Variants in THSD7A observed in about 807,000 individuals in gnomAD.
THSD7A encodes the protein thrombospondin type 1 domain containing 7A.
In THSD7A, 96 loss-of-function variants were observed where a neutral mutation model predicts 231.3. The observed-to-expected ratio is 0.41, with a 90% CI of 0.35 to 0.49. The LOEUF is 0.49. Among genes scored for constraint, THSD7A ranks in the 20% least tolerant of loss-of-function variants. The pLI, the probability that THSD7A is intolerant of heterozygous loss-of-function variation, is 0.05. For synonymous variants in THSD7A, 940 were observed against 743.3 expected (o/e 1.26, Z -4.30); for missense variants, 2,290 against 2,070.2 (o/e 1.11, Z -2.06).
intron 1 of THSD7A, among the ~76,000 whole-genome samples, chr7:11,829,851 A>T (rs1785143617): frequency 6.6e-6 from 1 of 152,026 alleles, no homozygotes; most frequent in Non-Finnish European, 1.5e-5. Context: ...AATTGAATGA[A>T]CTATTTTTTT....
Position 11,375,776 on chromosome 7 carries a change from G to T in THSD7A, c.*18C>A, listed in dbSNP as rs769027371. The T allele has an allele frequency of 2.5e-6, 4 of 1,608,528 alleles. No homozygotes were observed. Among genetic ancestry groups the T allele is most frequent in the African/African-American group, 1.3e-5 (1 of 74,738 alleles). ...AGTCAGAAAGCCGAAACTGGTTGTT[G>T]CCAGGAAAAGTTATATGTTACATGT... On this transcript the variant is annotated 3_prime_UTR_variant, in exon 28 of 28. Coordinates refer to ENST00000423059, the MANE Select transcript of THSD7A (RefSeq NM_015204.3).
At chr7:11,691,486 T>A (rs1230623475) in intron 1 of THSD7A, among the ~76,000 whole-genome samples, 1 of 151,480 alleles carries the variant, frequency 6.6e-6, no homozygotes, top group Non-Finnish European at 1.5e-5. Context: ...AGGGCTACCT[T>A]CCAATCAGGT....
chr7:11,762,626 C>A (rs1394669619), intron 1 of THSD7A, among the ~76,000 whole-genome samples: 1 of 152,080 alleles, frequency 6.6e-6, no homozygotes, highest in Non-Finnish European at 1.5e-5. Flanking sequence ...CTTATAAGTT[C>A]TGGATATTAA....
chr7:11,458,136 T>C (rs1281191592), intron 11 of THSD7A, among the ~76,000 whole-genome samples: 2 of 152,096 alleles, frequency 1.3e-5, no homozygotes, highest in Non-Finnish European at 2.9e-5. Flanking sequence ...ATAGTCTTTG[T>C]TGATTGATTT....
At chr7:11,630,402 T>C (rs1459762261) in intron 2 of THSD7A, among the ~76,000 whole-genome samples, 10 of 152,178 alleles carry the variant, frequency 6.6e-5, no homozygotes. Context: ...AGACTTAAAA[T>C]GAAAAATGAA....
intron 1 of THSD7A, among the ~76,000 whole-genome samples, chr7:11,828,065 G>T (rs749695067): frequency 6.6e-6 from 1 of 152,112 alleles, no homozygotes; most frequent in Non-Finnish European, 1.5e-5. Context: ...CTCAGTCAAC[G>T]ACTCACGTCA....
chr7:11,503,062 T>C (rs918343688), intron 6 of THSD7A, among the ~76,000 whole-genome samples: 4 of 152,096 alleles, frequency 2.6e-5, no homozygotes, highest in African/African-American at 9.7e-5. Flanking sequence ...CTTCAAACTA[T>C]ACTACAAGGC....
chr7:11,707,410 T>C (rs1041019102), intron 1 of THSD7A, among the ~76,000 whole-genome samples: 2 of 150,962 alleles, frequency 1.3e-5, no homozygotes, highest in African/African-American at 4.8e-5. Flanking sequence ...ATGCCAAGTG[T>C]GTTGGTTGCT....
intron 1 of THSD7A, among the ~76,000 whole-genome samples, chr7:11,784,431 A>G (rs2128175767): frequency 6.6e-6 from 1 of 151,872 alleles, no homozygotes; most frequent in East Asian, 1.9e-4. Context: ...TTAGTCTGTC[A>G]TTTTAATCCT....
At chr7:11,568,130 C>T (rs1178260375) in intron 4 of THSD7A, among the ~76,000 whole-genome samples, 1 of 152,060 alleles carries the variant, frequency 6.6e-6, no homozygotes, top group Non-Finnish European at 1.5e-5. Context: ...AATTACTTTT[C>T]GTTAAAACTT....
rs138134320 is a variant in THSD7A, at chr7:11,432,676, T to C, written c.3065-3551A>G. ...ATTCTGGTTGATGTGTAGCATTCTATTGTGTGAATATACTATGACTTGTTT... is the reference window on the plus strand; with the variant it reads ...ATTCTGGTTGATGTGTAGCATTCTACTGTGTGAATATACTATGACTTGTTT... On this transcript the variant is annotated intron_variant, in intron 13 of 27. Coordinates refer to ENST00000423059, the MANE Select transcript of THSD7A (RefSeq NM_015204.3). Among the ~76,000 whole-genome samples the C allele has an allele frequency of 1.1e-3, 172 of 152,244 alleles. 1 individual carries two copies. The highest frequency in any genetic ancestry group is 4.1e-3 in the African/African-American group (171 of 41,574).
chr7:11,476,974 C>T (rs1475022048), intron 7 of THSD7A, among the ~76,000 whole-genome samples: 1 of 152,036 alleles, frequency 6.6e-6, no homozygotes, highest in Non-Finnish European at 1.5e-5. Context: ...AAACGATGTC[C>T]ATCACCCTAA....
At chr7:11,764,120 T>C (rs908728751) in intron 1 of THSD7A, among the ~76,000 whole-genome samples, 1 of 152,144 alleles carries the variant, frequency 6.6e-6, no homozygotes, top group African/African-American at 2.4e-5. Context: ...AAACCAAATT[T>C]TATATAGCCC....
Position 11,706,630 on chromosome 7 carries a change from CTTT to C in THSD7A, c.191-69672_191-69670del, listed in dbSNP as rs66964252. On this transcript the variant is annotated intron_variant, in intron 1 of 27. Coordinates refer to ENST00000423059, the MANE Select transcript of THSD7A (RefSeq NM_015204.3). ...ATTGACTAAAAATTTTAACAAGGTG[CTTT>C]TTTTTTTTTTTTTTTTTTTTTTAGA... Among the ~76,000 whole-genome samples, 13 of 66,390 alleles carry C rather than the reference CTTT, an allele frequency of 2.0e-4. No homozygotes were observed. In the East Asian group the frequency reaches 4.4e-3, roughly 22 times the overall value. 43.6% of individuals were successfully genotyped at this position (66,390 alleles called of 152,430 possible).
Position 11,637,880 on chromosome 7 carries a change from A to G in THSD7A, c.191-919T>C, listed in dbSNP as rs61711363. Among the ~76,000 whole-genome samples the G allele has an allele frequency of 9.5e-4, 145 of 152,340 alleles. No homozygotes were observed. Among genetic ancestry groups the G allele is most frequent in the African/African-American group, 3.3e-3 (136 of 41,580 alleles). On this transcript the variant is annotated intron_variant, in intron 1 of 27. Coordinates refer to ENST00000423059, the MANE Select transcript of THSD7A (RefSeq NM_015204.3). This position sits in a 1 kb window ranked among gnomAD's most constrained non-coding sequence, Gnocchi z 4.2. ...TATGATTTTCAGTACTTTAATAGAC[A>G]GATCCCAATTTACGAAATTGAGAAT... is the stretch of plus-strand genomic sequence containing the variant.
intron 2 of THSD7A, among the ~76,000 whole-genome samples, chr7:11,616,998 T>C (rs1231067361): frequency 6.6e-6 from 1 of 152,210 alleles, no homozygotes; most frequent in Non-Finnish European, 1.5e-5. Context: ...ATAAAGAGTA[T>C]AAGCAATATT....
chr7:11,577,241 A>T (rs1790953590), intron 4 of THSD7A, among the ~76,000 whole-genome samples: 1 of 152,238 alleles, frequency 6.6e-6, no homozygotes, highest in Admixed American at 6.5e-5. Context: ...CTAGAAACTT[A>T]ATTGATCCAA....
At chr7:11,682,164 A>G (rs1783894192) in intron 1 of THSD7A, among the ~76,000 whole-genome samples, 1 of 152,130 alleles carries the variant, frequency 6.6e-6, no homozygotes, top group South Asian at 2.1e-4. Context: ...ATGTAAGTAC[A>G]TATCCCACAG....
intron 16 of THSD7A, among the ~76,000 whole-genome samples, chr7:11,423,601 C>T (rs1171614229): frequency 1.1e-4 from 17 of 151,986 alleles, no homozygotes. Context: ...AATCTCCTGA[C>T]CTCGTGATCC....
Sources: allele counts gnomAD v4.1 joint callset (sites outside exome capture counted in the v4.1 genomes callset), GRCh38; gene constraint gnomAD v4.1.1; non-coding constraint Gnocchi (gnomAD v3.1); transcripts MANE v1.5; gene names NCBI Gene and HGNC (gene_info 2026-07-23, HGNC 2026-07-21).